TFB1M: variants seen among roughly 807,000 people sequenced by gnomAD.
TFB1M encodes the protein transcription factor B1, mitochondrial.
TFB1M carries 27 observed loss-of-function variants against 31.1 expected under a neutral mutation model. The observed-to-expected ratio is 0.87, with a 90% CI of 0.64 to 1.20. The LOEUF (loss-of-function observed/expected upper bound fraction) is 1.20, where lower values mean the gene tolerates loss of function less well. TFB1M is among the 50% of genes most tolerant of loss of function. The pLI, the probability that TFB1M is intolerant of heterozygous loss-of-function variation, is 0.00. For synonymous variants in TFB1M, 166 were observed against 151.8 expected (o/e 1.09, Z -0.69); for missense variants, 394 against 418.7 (o/e 0.94, Z 0.51).
intron 1 of TFB1M, among the ~76,000 whole-genome samples, chr6:155,313,892 C>T (rs1778126035): frequency 6.6e-6 from 1 of 152,222 alleles, no homozygotes; most frequent in Non-Finnish European, 1.5e-5. Flanking sequence ...AAAATCCTCG[C>T]ATCAATTTAA....
chr6:155,235,419 G>C, the TFB1M span, among the ~76,000 whole-genome samples: 2 of 152,162 alleles, frequency 1.3e-5, no homozygotes, highest in African/African-American at 4.8e-5. Flanking sequence ...TGCTTTTCAG[G>C]CCTATCACCA....
chr6:155,290,406 A>ACG (rs1554255532), intron 4 of TFB1M, among the ~76,000 whole-genome samples: 1 of 114,968 alleles, frequency 8.7e-6, no homozygotes, highest in Non-Finnish European at 1.7e-5. Context: ...AAAAAAAAAA[A>ACG]AAAAGAAAAG....
At chr6:155,307,375 G>T (rs1330240118) in intron 2 of TFB1M, among the ~76,000 whole-genome samples, 2 of 152,124 alleles carry the variant, frequency 1.3e-5, no homozygotes, top group African/African-American at 4.8e-5. Context: ...TCACAATCAT[G>T]ACGGAAGGCA....
At chr6:155,279,006 C>T (rs1459123557) in intron 5 of TFB1M, among the ~76,000 whole-genome samples, 1 of 152,014 alleles carries the variant, frequency 6.6e-6, no homozygotes, top group Non-Finnish European at 1.5e-5. Context: ...TGAGGTAGTG[C>T]TACTGGAATC....
chr6:155,250,041 G>A, the TFB1M span: 19 of 1,183,148 alleles, frequency 1.6e-5, no homozygotes, highest in Admixed American at 2.3e-5. Context: ...TTCTAGATAG[G>A]CTGCCCTGTT....
In TFB1M at chr6:155,256,186, C is replaced by T; in HGVS notation, c.*1650G>A. On this transcript the variant is annotated 3_prime_UTR_variant, in exon 7 of 7. Coordinates refer to ENST00000367166, the MANE Select transcript of TFB1M (RefSeq NM_016020.4). ...TACCAATTAACTTTTCAACTTACTC[C>T]TTGGCAAAATAAGAATCTTAGCCCA... 2 of 543,084 alleles carry T rather than the reference C, an allele frequency of 3.7e-6. No individual in the cohort carries two copies. Among genetic ancestry groups the T allele is most frequent in the Non-Finnish European group, 6.4e-6 (2 of 311,450 alleles). 33.6% of individuals were successfully genotyped at this position (543,084 alleles called of 1,614,324 possible).
At chr6:155,245,661 C>T in the TFB1M span, 52 of 1,613,876 alleles carry the variant, frequency 3.2e-5, no homozygotes, top group Middle Eastern at 4.9e-4. Context: ...TCCTTTATTA[C>T]GCGGACCACT....
intron 2 of TFB1M, among the ~76,000 whole-genome samples, chr6:155,307,162 CACACAT>C (rs1435314270): frequency 1.6e-3 from 239 of 151,582 alleles, no homozygotes; most frequent in African/African-American, 5.4e-3. Flanking sequence ...CACACACACA[CACACAT>C]ATACACACAG....
the TFB1M span, chr6:155,240,643 G>C: frequency 2.0e-5 from 33 of 1,613,926 alleles, no homozygotes; most frequent in Non-Finnish European, 2.7e-5. Context: ...CCCGCCACCT[G>C]TCTGATGCAG....
intron 2 of TFB1M, among the ~76,000 whole-genome samples, chr6:155,309,197 A>G (rs1274110904): frequency 6.6e-6 from 1 of 152,238 alleles, no homozygotes; most frequent in Non-Finnish European, 1.5e-5. Context: ...TGAGAGATAC[A>G]TATACATTTG....
intron 5 of TFB1M, chr6:155,276,121 C>A (rs1412224094): frequency 6.2e-7 from 1 of 1,614,162 alleles, no homozygotes; most frequent in Admixed American, 1.7e-5. Context: ...CTAGTTTAAT[C>A]TCGACAGTGT....
At chr6:155,314,152 G>A (rs200854530) in intron 1 of TFB1M, 144 bp downstream of exon 1, 3 of 1,169,794 alleles carry the variant, frequency 2.6e-6, no homozygotes, top group Non-Finnish European at 3.6e-6. Flanking sequence ...CCGGAGTTCT[G>A]ATACAAAGAG....
Position 155,257,095 on chromosome 6 carries a change from G to A in TFB1M, c.*741C>T. The stretch of plus-strand genomic sequence containing the variant: ...TGTTGTCAGTGAGGAGTGTTTTTAT[G>A]AAACAGAGAGCCACGGAAAATCATA... On this transcript the variant is annotated 3_prime_UTR_variant, in exon 7 of 7. Transcript: ENST00000367166. The A allele has an allele frequency of 6.3e-7, 1 of 1,595,216 alleles. No homozygotes were observed. Among genetic ancestry groups the A allele is most frequent in the Non-Finnish European group, 8.6e-7 (1 of 1,169,278 alleles).
rs1562426136 is a variant in TFB1M at position 155,305,700 on chromosome 6, A to AAATATATATTAAATTATATATTTAT, written c.285+5487_285+5488insATAAATATATAATTTAATATATATT. On this transcript the variant is annotated intron_variant, in intron 2 of 6. Coordinates refer to ENST00000367166, the MANE Select transcript of TFB1M (RefSeq NM_016020.4). ...ATATTAAATTATATATTTATATATA[A>AAATATATATTAAATTATATATTTAT]ATATATATTAAATTATATATTTATA... is the stretch of plus-strand genomic sequence containing the variant. 4.9e-4 allele frequency among the ~76,000 whole-genome samples: 23 copies of AAATATATATTAAATTATATATTTAT among 47,066 alleles called. 2 individuals are homozygous for AAATATATATTAAATTATATATTTAT. The highest frequency in any genetic ancestry group is 2.0e-3 in the African/African-American group (22 of 11,190). 30.9% of individuals were successfully genotyped at this position (47,066 alleles called of 152,430 possible). A position where few individuals can be genotyped will look rare whatever the true frequency, so the allele number is the denominator to read the frequency against.
At chr6:155,259,363 A>G (rs1264207441) in intron 6 of TFB1M, among the ~76,000 whole-genome samples, 8 of 152,264 alleles carry the variant, frequency 5.3e-5, no homozygotes, top group Admixed American at 4.6e-4. Context: ...TGGCTTAATT[A>G]GAGGCAACAA....
chr6:155,256,693 A>AG lies in TFB1M; in HGVS notation c.*1142_*1143insC. 6.2e-7 allele frequency: 1 copy of AG among 1,614,194 alleles called. No homozygotes were observed. The highest frequency in any genetic ancestry group is 8.5e-7 in the Non-Finnish European group (1 of 1,180,034). On this transcript the variant is annotated 3_prime_UTR_variant, in exon 7 of 7. Transcript: ENST00000367166. ...CCCCGGCTTGGCAGATTTTGCCGAC[A>AG]ATCTCATCAAAGAGAGTGACATCCT... is the stretch of plus-strand genomic sequence containing the variant.
chr6:155,277,877 T>C, intron 5 of TFB1M, among the ~76,000 whole-genome samples: 1 of 152,236 alleles, frequency 6.6e-6, no homozygotes, highest in Non-Finnish European at 1.5e-5. Context: ...CTTCTCTCAC[T>C]TTGCTGAATG....
In TFB1M at chr6:155,299,097, C is replaced by G. The variant is rs1170900291; in HGVS notation, c.286-512G>C. Among the ~76,000 whole-genome samples the G allele has an allele frequency of 2.6e-5, 4 of 151,994 alleles. No homozygotes were observed. In the East Asian group the frequency reaches 7.7e-4, roughly 29 times the overall value. ...CAAGTAGAAAGTCACCTGTCGATGC[C>G]AGTCTCCACTTGGCACTCCGAGATA... On this transcript the variant is annotated intron_variant, in intron 2 of 6. Transcript: ENST00000367166.
At chr6:155,294,783 A>G (rs140633954) in intron 4 of TFB1M, among the ~76,000 whole-genome samples, 1 of 152,256 alleles carries the variant, frequency 6.6e-6, no homozygotes, top group Non-Finnish European at 1.5e-5. Flanking sequence ...TTGCAGTTCC[A>G]CTCCCAGGTA....
Sources: gnomAD v4.1 joint callset for allele counts (sites outside exome capture counted in the v4.1 genomes callset) on GRCh38, gnomAD v4.1.1 for gene constraint, MANE v1.5 for transcripts, NCBI Gene and HGNC (gene_info 2026-07-23, HGNC 2026-07-21) for gene names.